Variants in HAVCR2 observed in about 807,000 individuals in gnomAD.
HAVCR2 encodes T cell immunoglobulin mucin 3.
Under a neutral mutation model 24.7 loss-of-function variants are expected in HAVCR2, and 13 were observed. The ratio of observed to expected loss-of-function variants is 0.53; its 90% CI spans 0.34 to 0.84. The LOEUF (loss-of-function observed/expected upper bound fraction) is 0.84. Among genes scored for constraint, HAVCR2 ranks in the 40% least tolerant of loss-of-function variants. The pLI is 0.01. For synonymous variants in HAVCR2, 154 were observed against 143.4 expected (o/e 1.07, Z -0.53); for missense variants, 343 against 371.2 (o/e 0.92, Z 0.62).
chr5:157,090,710 G>C (rs115920936), intron 5 of HAVCR2, among the ~76,000 whole-genome samples: 1 of 152,160 alleles, frequency 6.6e-6, no homozygotes, highest in South Asian at 2.1e-4. Flanking sequence ...TATTGGATTC[G>C]AAGGAGGAAT....
intron 5 of HAVCR2, among the ~76,000 whole-genome samples, chr5:157,092,509 C>T (rs1019037265): frequency 3.6e-4 from 55 of 151,826 alleles, no homozygotes; most frequent in Non-Finnish European, 4.4e-4. Context: ...TGCAATGGCA[C>T]GATCTCAGCT....
chr5:157,092,510 G>A (rs1329480450), intron 5 of HAVCR2, among the ~76,000 whole-genome samples: 2 of 151,774 alleles, frequency 1.3e-5, no homozygotes, highest in South Asian at 2.1e-4. Flanking sequence ...GCAATGGCAC[G>A]ATCTCAGCTC....
intron 2 of HAVCR2, chr5:157,106,038 GTGAT>G (rs1409611038): frequency 6.6e-6 from 1 of 152,428 alleles, no homozygotes; most frequent in Admixed American, 6.5e-5. Context: ...AACTCTCTAT[GTGAT>G]TCTAATGAGA....
At chr5:157,107,030 G>A (rs750357771) in intron 1 of HAVCR2, 68 bp from the exon 2 acceptor site, 6 of 1,281,254 alleles carry the variant, frequency 4.7e-6, no homozygotes, top group East Asian at 2.3e-5. Context: ...CAGGAAAACT[G>A]CAAGCCATGT....
intron 5 of HAVCR2, among the ~76,000 whole-genome samples, chr5:157,092,800 G>C (rs1303095229): frequency 7.1e-6 from 1 of 141,606 alleles, no homozygotes; most frequent in African/African-American, 2.6e-5. Context: ...CACTTTGGGA[G>C]GCTGAAGTAG....
chr5:157,101,011 G>A (rs1212234327), intron 3 of HAVCR2, among the ~76,000 whole-genome samples: 16 of 152,082 alleles, frequency 1.1e-4, no homozygotes, highest in East Asian at 1.9e-4. Context: ...CAGTGGAATC[G>A]CTTGAACCCA....
intron 6 of HAVCR2, 55 bp from the exon 7 acceptor site, chr5:157,087,349 A>G (rs1225425405): frequency 1.7e-5 from 24 of 1,453,928 alleles, no homozygotes; most frequent in Non-Finnish European, 2.1e-5. Context: ...AACACGGAAT[A>G]GAGTTAAGAG....
Position 157,108,909 on chromosome 5 carries a change from T to C in HAVCR2, c.58+17A>G, listed in dbSNP as rs1277298355. The C allele has an allele frequency of 1.2e-6, 2 of 1,612,496 alleles. No homozygotes were observed. Among genetic ancestry groups the C allele is most frequent in the Admixed American group, 3.3e-5 (2 of 59,994 alleles). ...CAGCACCATTATGTCATTGTAAATA[T>C]CCATGCCGAGACTTACTTGTAAGTA... On this transcript the variant is annotated intron_variant, in intron 1 of 6. Coordinates refer to ENST00000307851, the MANE Select transcript of HAVCR2 (RefSeq NM_032782.5).
At chr5:157,095,207 T>C (rs1757077070) in intron 5 of HAVCR2, 99 bp downstream of exon 5, 1 of 1,287,402 alleles carries the variant, frequency 7.8e-7, no homozygotes, top group Non-Finnish European at 1.1e-6. Flanking sequence ...AGTCTAATCA[T>C]CTTTGGGTAT....
At chr5:157,093,917 C>T (rs1399704910) in intron 5 of HAVCR2, among the ~76,000 whole-genome samples, 2 of 152,076 alleles carry the variant, frequency 1.3e-5, no homozygotes, top group African/African-American at 2.4e-5. Context: ...TGCACTCCAG[C>T]GTCCATCTCC....
intron 6 of HAVCR2, among the ~76,000 whole-genome samples, chr5:157,087,751 A>C (rs1756935088): frequency 6.6e-6 from 1 of 151,912 alleles, no homozygotes; most frequent in Non-Finnish European, 1.5e-5. Context: ...TAAACATACA[A>C]AAAATTAGCC....
chr5:157,090,057 C>T (rs574492974), intron 5 of HAVCR2, among the ~76,000 whole-genome samples: 130 of 150,166 alleles, frequency 8.7e-4, no homozygotes, highest in African/African-American at 3.1e-3. Flanking sequence ...CAAGGTCTTT[C>T]AAGGTGTCTT....
rs748211556 is a variant in HAVCR2 at position 157,087,263 on chromosome 5, C to A, written c.745G>T (p.Gly249Ter). Reference protein sequence around the residue: ...LISLANLPPSGLANAVAEGIR... With the variant: ...LISLANLPPS ...CCCTCTGCTACTGCATTTGCCAATC[C>A]TGAGGGAGGGAGGTTGGCCAAAGAG... Residue 249 changes from glycine to a stop codon, truncating the protein, a stop_gained, in exon 7 of 7, where the codon GGA (glycine) becomes TGA (stop). Coordinates refer to ENST00000307851, the MANE Select transcript of HAVCR2 (RefSeq NM_032782.5). LOFTEE classifies it low-confidence loss of function (END_TRUNC). 6.2e-7 allele frequency: 1 copy of A among 1,611,618 alleles called. No homozygotes were observed. Among genetic ancestry groups the A allele is most frequent in the Non-Finnish European group, 8.5e-7 (1 of 1,179,500 alleles).
At chr5:157,087,606 T>A (rs1464855825) in intron 6 of HAVCR2, among the ~76,000 whole-genome samples, 1 of 152,096 alleles carries the variant, frequency 6.6e-6, no homozygotes, top group Non-Finnish European at 1.5e-5. Flanking sequence ...ATGTACACAT[T>A]TAGATTTTCA....
intron 4 of HAVCR2, among the ~76,000 whole-genome samples, chr5:157,096,736 C>T (rs4704847): frequency 0.73 from 111,438 of 151,830 alleles, 41,198 homozygotes; most frequent in East Asian, 0.93. Context: ...AAGGTTGTGC[C>T]ATTGTACTCC....
At chr5:157,094,590 C>T (rs547682019) in intron 5 of HAVCR2, among the ~76,000 whole-genome samples, 2 of 151,698 alleles carry the variant, frequency 1.3e-5, no homozygotes, top group South Asian at 4.2e-4. Context: ...ACCATGTTGG[C>T]CAAGCTGGTC....
rs201054625 is a variant in HAVCR2, at chr5:157,106,663, C to T, written c.358G>A (p.Asp120Asn). Residue 120 changes from aspartate to asparagine, a missense_variant, in exon 2 of 7, where the codon GAT (aspartate) becomes AAT (asparagine). By Grantham distance (23) the Asp-to-Asn change is conservative (BLOSUM62 1). Transcript: ENST00000307851. ...CRIQIPGIMN[D>N]EKFNLKLVIK... ...ACCAACTTCAGGTTAAATTTTTCAT[C>T]ATTCATTATGCCTGGGATTTGGATC... The T allele has an allele frequency of 3.2e-5, 52 of 1,614,208 alleles. No homozygotes were observed. The highest frequency in any genetic ancestry group is 4.1e-5 in the Non-Finnish European group (48 of 1,180,030).
chr5:157,104,814 A>G, intron 2 of HAVCR2, 65 bp from the exon 3 acceptor site: 1 of 1,170,396 alleles, frequency 8.5e-7, no homozygotes, highest in East Asian at 2.6e-5. Flanking sequence ...TCAGGGAATC[A>G]AAGGGGCAGC....
At chr5:157,093,660 T>G (rs1439321490) in intron 5 of HAVCR2, among the ~76,000 whole-genome samples, 1 of 152,124 alleles carries the variant, frequency 6.6e-6, no homozygotes, top group Non-Finnish European at 1.5e-5. Context: ...TAAAAGTGTG[T>G]GAGTGGCCAG....
Sources: gnomAD v4.1 joint callset for allele counts (sites outside exome capture counted in the v4.1 genomes callset) on GRCh38, gnomAD v4.1.1 for gene constraint, MANE v1.5 for transcripts, NCBI Gene and HGNC (gene_info 2026-07-23, HGNC 2026-07-21) for gene names.